Variants in CPD observed in about 807,000 individuals in gnomAD.
CPD encodes the protein metallocarboxypeptidase D.
A neutral mutation model predicts 138.3 loss-of-function variants in CPD; 69 were observed. The observed-to-expected ratio is 0.50, with a 90% CI of 0.41 to 0.61. The LOEUF (loss-of-function observed/expected upper bound fraction) is 0.61. Among genes scored for constraint, CPD ranks in the 20% least tolerant of loss-of-function variants. CPD has a pLI of 0.00. For missense variants in CPD, 1,432 were observed against 1,733.3 expected, an observed-to-expected ratio of 0.83 and a Z score of 3.09; for synonymous variants, 651 against 642.1, an observed-to-expected ratio of 1.01 and a Z score of -0.21.
At chr17:30,407,976 C>T (rs112889513) in intron 2 of CPD, among the ~76,000 whole-genome samples, 78,422 of 151,992 alleles carry the variant, frequency 0.52, 20,869 homozygotes, top group East Asian at 0.82. Context: ...TTTAAAACAT[C>T]TTGAGTTAAT....
intron 10 of CPD, among the ~76,000 whole-genome samples, chr17:30,443,304 A>C (rs931065271): frequency 8.5e-5 from 13 of 152,142 alleles, no homozygotes; most frequent in African/African-American, 3.1e-4. Flanking sequence ...CCTACCCAAG[A>C]AAATTAACAG....
At chr17:30,464,502 A>G (rs1597740710) in intron 20 of CPD, 86 bp from the exon 21 acceptor site, 1 of 985,270 alleles carries the variant, frequency 1.0e-6, no homozygotes, top group South Asian at 1.4e-5. Context: ...AATGAGGGGT[A>G]TATTATTAAA....
chr17:30,396,683 C>T (rs1357471665), intron 2 of CPD, among the ~76,000 whole-genome samples: 3 of 152,120 alleles, frequency 2.0e-5, no homozygotes, highest in African/African-American at 4.8e-5. Context: ...TTTAGCTATC[C>T]GTAACAATTA....
intron 8 of CPD, among the ~76,000 whole-genome samples, chr17:30,435,589 GTCC>G (rs1457864491): frequency 1.3e-5 from 2 of 151,962 alleles, no homozygotes; most frequent in African/African-American, 4.8e-5. Context: ...TTGTGATTTG[GTCC>G]TCCTCTAGAT....
intron 2 of CPD, among the ~76,000 whole-genome samples, chr17:30,389,704 G>A (rs927220590): frequency 6.6e-6 from 1 of 152,130 alleles, no homozygotes; most frequent in Non-Finnish European, 1.5e-5. Flanking sequence ...GAGATTATTT[G>A]GTGAAGCTAG....
rs1350650610 is a variant in CPD, at chr17:30,420,753, C to G, written c.995-88C>G. 2.4e-6 allele frequency: 3 copies of G among 1,235,242 alleles called. No individual in the cohort carries two copies. In the African/African-American group the frequency reaches 4.5e-5, roughly 19 times the overall value. The allele number at this position is 1,235,242 out of a possible 1,614,324, so 76.5% of individuals were successfully genotyped here. ...TGAAAAGAAAAGAAAATTTATACAT[C>G]CAGAGATGGCTGATTTAATTTCTTC... is the stretch of plus-strand genomic sequence containing the variant. On this transcript the variant is annotated intron_variant, in intron 2 of 20. Coordinates refer to ENST00000225719, the MANE Select transcript of CPD (RefSeq NM_001304.5).
chr17:30,461,979 G>A lies in CPD; in HGVS notation c.3733G>A (p.Gly1245Arg). The change falls in exon 19 of 21, where the codon GGA (glycine) becomes AGA (arginine). Residue 1245 changes from glycine to arginine, a missense_variant. Gly to Arg is a moderately radical substitution (Grantham distance 125, BLOSUM62 -2). Around this residue, in one of 6 missense-constraint regions of CPD, gnomAD observed 366 missense variants for 518.8 expected, o/e 0.71. Coordinates refer to ENST00000225719, the MANE Select transcript of CPD (RefSeq NM_001304.5). ...NEGIKVQTKEGGYFHVLLAPG... is the reference protein window; with the variant it reads ...NEGIKVQTKERGYFHVLLAPG... Reference sequence around the variant, plus strand: ...AGGAATAAAGGTACAAACAAAAGAGGGAGGTTATTTCCATGTACTCTTAGC... The same window carrying A: ...AGGAATAAAGGTACAAACAAAAGAGAGAGGTTATTTCCATGTACTCTTAGC... 6.2e-7 allele frequency: 1 copy of A among 1,613,876 alleles called. No homozygotes were observed. The highest frequency in any genetic ancestry group is 8.5e-7 in the Non-Finnish European group (1 of 1,179,878).
intron 2 of CPD, among the ~76,000 whole-genome samples, chr17:30,405,911 A>G (rs1911790195): frequency 6.6e-6 from 1 of 152,068 alleles, no homozygotes; most frequent in African/African-American, 2.4e-5. Flanking sequence ...TAAGCCTCTT[A>G]TCTAGAGGCA....
Position 30,469,418 on chromosome 17 carries a change from T to C in CPD, c.*4604T>C, listed in dbSNP as rs1449013158. On this transcript the variant is annotated 3_prime_UTR_variant, in exon 21 of 21. Coordinates refer to ENST00000225719, the MANE Select transcript of CPD (RefSeq NM_001304.5). ...AGCCTCAGTTTCTCTACTGGTTGAA[T>C]AATCCTTGATAGGATTGCAGTGGAA... 1 of 152,212 alleles carries C rather than the reference T, an allele frequency of 6.6e-6. No homozygotes were observed. Among genetic ancestry groups the C allele is most frequent in the Non-Finnish European group, 1.5e-5 (1 of 68,044 alleles). The allele number at this position is 152,212 out of a possible 1,614,324, so 9.4% of individuals were successfully genotyped here.
At chr17:30,411,447 G>A (rs1185823566) in intron 2 of CPD, among the ~76,000 whole-genome samples, 1 of 152,212 alleles carries the variant, frequency 6.6e-6, no homozygotes, top group Non-Finnish European at 1.5e-5. Context: ...ATATCCTGAA[G>A]AGTGTTTTCT....
chr17:30,452,166 T>C (rs138235045), intron 14 of CPD, among the ~76,000 whole-genome samples: 227 of 152,334 alleles, frequency 1.5e-3, no homozygotes, highest in African/African-American at 5.1e-3. Context: ...CACACACGTA[T>C]GTATATTGAT....
chr17:30,392,040 C>T (rs1911371659), intron 2 of CPD, among the ~76,000 whole-genome samples: 2 of 142,282 alleles, frequency 1.4e-5, no homozygotes, highest in East Asian at 2.1e-4. Flanking sequence ...GACAAAGTCT[C>T]ACTCTGTCAC....
At chr17:30,464,562 C>G (rs1291273056) in intron 20 of CPD, 26 bp from the exon 21 acceptor site, 1 of 1,585,444 alleles carries the variant, frequency 6.3e-7, no homozygotes, top group Admixed American at 1.7e-5. Flanking sequence ...TATAATATCA[C>G]CCACATGATG....
intron 2 of CPD, among the ~76,000 whole-genome samples, chr17:30,410,035 C>T (rs762843646): frequency 2.6e-5 from 4 of 152,116 alleles, no homozygotes; most frequent in Non-Finnish European, 4.4e-5. Flanking sequence ...TAAATGTGTC[C>T]TAGAGATTCT....
intron 2 of CPD, among the ~76,000 whole-genome samples, chr17:30,398,547 C>T (rs1419960378): frequency 1.3e-5 from 2 of 152,056 alleles, no homozygotes; most frequent in South Asian, 2.1e-4. Flanking sequence ...GGCCTATCTA[C>T]AGATCAGTGG....
At chr17:30,415,128 T>G (rs1912070763) in intron 2 of CPD, among the ~76,000 whole-genome samples, 1 of 152,214 alleles carries the variant, frequency 6.6e-6, no homozygotes, top group Non-Finnish European at 1.5e-5. Context: ...ACTATCTCCC[T>G]GATTTCTCAA....
At position 30,379,831 on chromosome 17, in the gene CPD, T is replaced by TG; in HGVS notation, c.746+107dup. ...ACAATGCTGGCATAAGGGGTGGCGGTGGTGAAGGTGAAGGGAGACACCCTG... is the reference window on the plus strand; with the variant it reads ...ACAATGCTGGCATAAGGGGTGGCGGTGGGTGAAGGTGAAGGGAGACACCCTG... On this transcript the variant is annotated intron_variant, in intron 1 of 20. Coordinates refer to ENST00000225719, the MANE Select transcript of CPD (RefSeq NM_001304.5). This position sits in a 1 kb window ranked among gnomAD's most constrained non-coding sequence, Gnocchi z 7.0. The TG allele has an allele frequency of 1.2e-6, 1 of 812,414 alleles. No individual in the cohort carries two copies. Among genetic ancestry groups the TG allele is most frequent in the Non-Finnish European group, 1.7e-6 (1 of 581,136 alleles). The allele number at this position is 812,414 out of a possible 1,614,324, so 50.3% of individuals were successfully genotyped here.
intron 11 of CPD, among the ~76,000 whole-genome samples, chr17:30,444,563 C>T (rs1295442903): frequency 7.9e-6 from 1 of 126,744 alleles, no homozygotes; most frequent in Non-Finnish European, 1.6e-5. Context: ...TTCTCTCTAT[C>T]GCCCAGGCTG....
At chr17:30,458,036 A>C (rs1456307878) in intron 17 of CPD, among the ~76,000 whole-genome samples, 2 of 152,046 alleles carry the variant, frequency 1.3e-5, no homozygotes, top group African/African-American at 4.8e-5. Flanking sequence ...TACTAAAAAT[A>C]CAAAAAAATT....
Sources: gnomAD v4.1 joint callset for allele counts (sites outside exome capture counted in the v4.1 genomes callset) on GRCh38, gnomAD v4.1.1 for gene constraint, gnomAD v4.1.1 regional missense constraint, Gnocchi (gnomAD v3.1) non-coding constraint, MANE v1.5 for transcripts, NCBI Gene and HGNC (gene_info 2026-07-23, HGNC 2026-07-21) for gene names.